The following DAAM1 variants were observed in gnomAD, a reference collection of about 807,000 sequenced individuals.
DAAM1 encodes dishevelled associated activator of morphogenesis 1.
A neutral mutation model predicts 130.0 loss-of-function variants in DAAM1; 52 were observed. That is an observed-to-expected ratio of 0.40 (90% CI 0.32 to 0.50). The LOEUF (loss-of-function observed/expected upper bound fraction) is 0.50. DAAM1 is among the 20% of genes least tolerant of loss of function. The pLI, the probability that DAAM1 is intolerant of heterozygous loss-of-function variation, is 0.61. For synonymous variants in DAAM1, 452 were observed against 444.5 expected, an observed-to-expected ratio of 1.02 and a Z score of -0.21; for missense variants, 1,134 against 1,303.8, an observed-to-expected ratio of 0.87 and a Z score of 2.01.
chr14:59,190,456 G>A (rs1477428604), intron 1 of DAAM1, among the ~76,000 whole-genome samples: 1 of 152,146 alleles, frequency 6.6e-6, no homozygotes, highest in African/African-American at 2.4e-5. Context: ...AGAGCTCTCT[G>A]GTCACCAGCA....
At chr14:59,351,936 A>G (rs1886309193) in intron 17 of DAAM1, among the ~76,000 whole-genome samples, 1 of 152,180 alleles carries the variant, frequency 6.6e-6, no homozygotes, top group South Asian at 2.1e-4. Flanking sequence ...TCAAAATAAA[A>G]TACGAAATTA....
At chr14:59,332,096 C>T (rs1055322405) in intron 15 of DAAM1, among the ~76,000 whole-genome samples, 176 bp downstream of exon 15, 2 of 152,106 alleles carry the variant, frequency 1.3e-5, no homozygotes, top group African/African-American at 4.8e-5. Context: ...TGTGAACAGT[C>T]GAAGATATAT....
At chr14:59,191,004 A>G (rs1887714120) in intron 1 of DAAM1, among the ~76,000 whole-genome samples, 1 of 152,192 alleles carries the variant, frequency 6.6e-6, no homozygotes, top group African/African-American at 2.4e-5. Context: ...TTGCCTTTTT[A>G]TAGATTCCTA....
intron 24 of DAAM1, among the ~76,000 whole-genome samples, 177 bp downstream of exon 24, chr14:59,367,776 T>G (rs567241648): frequency 1.3e-5 from 2 of 152,250 alleles, no homozygotes; most frequent in South Asian, 4.1e-4. Context: ...ACAGTGTATA[T>G]TCAAAGCCTT....
At chr14:59,219,999 T>C (rs1303493230) in intron 1 of DAAM1, among the ~76,000 whole-genome samples, 1 of 152,202 alleles carries the variant, frequency 6.6e-6, no homozygotes, top group East Asian at 1.9e-4. Flanking sequence ...TGGATGTAGC[T>C]ATTGGTTTCG....
chr14:59,363,805 G>T (rs750581770), intron 23 of DAAM1, 23 bp downstream of exon 23: 7 of 1,612,126 alleles, frequency 4.3e-6, no homozygotes, highest in Non-Finnish European at 5.9e-6. Context: ...CTTGTGCACT[G>T]AGTGTTGTTT....
At chr14:59,309,790 G>C (rs1463091483) in intron 3 of DAAM1, among the ~76,000 whole-genome samples, 1 of 152,172 alleles carries the variant, frequency 6.6e-6, no homozygotes, top group Non-Finnish European at 1.5e-5. Flanking sequence ...ACCGTTATGA[G>C]CCAGAGGGGG....
intron 15 of DAAM1, among the ~76,000 whole-genome samples, chr14:59,336,927 C>G (rs1241768337): frequency 6.6e-6 from 1 of 152,132 alleles, no homozygotes; most frequent in Non-Finnish European, 1.5e-5. Flanking sequence ...TGTTAATTAA[C>G]CACATTTTAC....
intron 16 of DAAM1, 138 bp from the exon 17 acceptor site, chr14:59,347,401 A>G: frequency 1.3e-6 from 1 of 765,090 alleles, no homozygotes; most frequent in South Asian, 1.8e-5. Flanking sequence ...TAGGTGCAAT[A>G]TTGTCAGGAA....
chr14:59,190,123 T>C (rs1232606265), intron 1 of DAAM1, among the ~76,000 whole-genome samples: 1 of 152,062 alleles, frequency 6.6e-6, no homozygotes, highest in Non-Finnish European at 1.5e-5. Context: ...GAGTGGCTAG[T>C]GGGTGTGGTC....
At chr14:59,334,039 G>A (rs1885537037) in intron 15 of DAAM1, among the ~76,000 whole-genome samples, 1 of 152,170 alleles carries the variant, frequency 6.6e-6, no homozygotes, top group South Asian at 2.1e-4. Flanking sequence ...AATCAGTTGT[G>A]ACCATATTTT....
intron 21 of DAAM1, among the ~76,000 whole-genome samples, chr14:59,360,068 A>G (rs1423965354): frequency 6.6e-6 from 1 of 152,246 alleles, no homozygotes; most frequent in African/African-American, 2.4e-5. Flanking sequence ...TTTGAAAAGT[A>G]TAATGAGCAG....
At chr14:59,290,152 A>C (rs1169391086) in intron 2 of DAAM1, among the ~76,000 whole-genome samples, 1 of 152,050 alleles carries the variant, frequency 6.6e-6, no homozygotes, top group African/African-American at 2.4e-5. Flanking sequence ...AAAATAAAAG[A>C]CTGTGAATTA....
chr14:59,354,029 C>G, intron 19 of DAAM1, 65 bp downstream of exon 19: 1 of 1,478,276 alleles, frequency 6.8e-7, no homozygotes, highest in Non-Finnish European at 9.3e-7. Context: ...AAGTGCAATC[C>G]AAGTGCATAT....
At chr14:59,196,584 T>A (rs1887900908) in intron 1 of DAAM1, among the ~76,000 whole-genome samples, 2 of 151,710 alleles carry the variant, frequency 1.3e-5, no homozygotes, top group Admixed American at 6.6e-5. Context: ...TCTACTAAAA[T>A]TACAAAAAAT....
intron 4 of DAAM1, 59 bp from the exon 5 acceptor site, chr14:59,320,431 G>A (rs1003066412): frequency 8.0e-6 from 11 of 1,373,052 alleles, no homozygotes; most frequent in African/African-American, 1.5e-5. Flanking sequence ...GGTTTGTCTT[G>A]TTTGTACTGT....
Position 59,368,722 on chromosome 14 carries a change from G to C in DAAM1, c.3070G>C (p.Asp1024His). ...GAATAGTGAAGAAAGCGGAGAGTTT[G>C]ATGACCTTGTTTCAGCTTTACGCTC... is the stretch of plus-strand genomic sequence containing the variant. ...KENSEESGEFDDLVSALRSGE... is the reference protein window; with the variant it reads ...KENSEESGEFHDLVSALRSGE... Residue 1024 changes from aspartate (D) to histidine (H), a missense_variant, in exon 25 of 25, where the codon GAT becomes CAT. Physicochemically the swap from Asp to His is moderately conservative, Grantham distance 81. Coordinates refer to ENST00000360909, the MANE Select transcript of DAAM1 (RefSeq NM_001270520.2). The C allele has an allele frequency of 6.2e-7, 1 of 1,613,950 alleles. No homozygotes were observed. Among genetic ancestry groups the C allele is most frequent in the Non-Finnish European group, 8.5e-7 (1 of 1,179,918 alleles).
chr14:59,305,265 A>T (rs1295929931), intron 3 of DAAM1, among the ~76,000 whole-genome samples: 1 of 152,220 alleles, frequency 6.6e-6, no homozygotes, highest in East Asian at 1.9e-4. Flanking sequence ...ATGTCATTGC[A>T]CACTGTTGTG....
intron 1 of DAAM1, among the ~76,000 whole-genome samples, chr14:59,253,538 A>T (rs1881738436): frequency 6.6e-6 from 1 of 152,264 alleles, no homozygotes; most frequent in Admixed American, 6.5e-5. Context: ...AAACATGAAC[A>T]TATAAAGACC....
Sources: allele counts gnomAD v4.1 joint callset (sites outside exome capture counted in the v4.1 genomes callset), GRCh38; gene constraint gnomAD v4.1.1; transcripts MANE v1.5; gene names NCBI Gene and HGNC (gene_info 2026-07-23, HGNC 2026-07-21).